PBX3: variants seen among roughly 807,000 people sequenced by gnomAD.
PBX3 encodes the protein pre-B-cell leukemia transcription factor 3.
A neutral mutation model predicts 48.5 loss-of-function variants in PBX3; 14 were observed. The ratio of observed to expected loss-of-function variants is 0.29; its 90% CI spans 0.19 to 0.45. PBX3 has a LOEUF of 0.45. PBX3 is among the 20% of genes least tolerant of loss of function. The pLI is 1.00. For missense variants in PBX3, 386 were observed against 546.7 expected (o/e 0.71, Z 2.93); for synonymous variants, 210 against 200.3 (o/e 1.05, Z -0.41).
chr9:125,838,276 C>T (rs1839195386), intron 2 of PBX3, among the ~76,000 whole-genome samples: 2 of 152,266 alleles, frequency 1.3e-5, no homozygotes, highest in East Asian at 1.9e-4. Context: ...CTAATGTTGG[C>T]CTAGCTCAAG....
chr9:125,748,341 G>A, intron 1 of PBX3: 1 of 1,277,876 alleles, frequency 7.8e-7, no homozygotes, highest in South Asian at 1.8e-5. Flanking sequence ...GGGCAGATGG[G>A]TCCGCCTTGT....
intron 2 of PBX3, among the ~76,000 whole-genome samples, chr9:125,797,660 T>C (rs1036490954): frequency 6.6e-6 from 1 of 152,148 alleles, no homozygotes; most frequent in African/African-American, 2.4e-5. Flanking sequence ...TTTCATATAG[T>C]TACCCATTTT....
At chr9:125,861,862 G>C (rs750919989) in intron 2 of PBX3, among the ~76,000 whole-genome samples, 2 of 152,216 alleles carry the variant, frequency 1.3e-5, no homozygotes, top group African/African-American at 2.4e-5. Context: ...AATTTTGAGA[G>C]AGGGTGATGA....
chr9:125,869,239 C>A (rs550488353), intron 2 of PBX3, among the ~76,000 whole-genome samples: 4 of 151,766 alleles, frequency 2.6e-5, no homozygotes, highest in Non-Finnish European at 5.9e-5. Context: ...TACAGTACAA[C>A]AAAGAGATAG....
intron 2 of PBX3, among the ~76,000 whole-genome samples, chr9:125,796,728 T>C (rs553968007): frequency 1.3e-5 from 2 of 152,130 alleles, no homozygotes; most frequent in Non-Finnish European, 2.9e-5. Flanking sequence ...AGTTTCTTAA[T>C]TGTATGTAAT....
At chr9:125,806,701 A>G (rs1838135443) in intron 2 of PBX3, among the ~76,000 whole-genome samples, 1 of 152,192 alleles carries the variant, frequency 6.6e-6, no homozygotes, top group Non-Finnish European at 1.5e-5. Flanking sequence ...ATATGGGGGG[A>G]AATTGCAGAT....
At position 125,963,375 on chromosome 9, in the gene PBX3, T is replaced by G. The variant is rs560491269; in HGVS notation, c.1212+274T>G. Among the ~76,000 whole-genome samples, 17 of 152,290 alleles carry G rather than the reference T, an allele frequency of 1.1e-4. No homozygotes were observed. In the East Asian group the frequency reaches 1.2e-3, roughly 10 times the overall value. On this transcript the variant is annotated intron_variant, in intron 8 of 8. Transcript: ENST00000373489. ...ACGCCATTTCCTACCATCAGTGCTG[T>G]GCTCCAGGGAGACGGTAGAAAACAG...
intron 2 of PBX3, among the ~76,000 whole-genome samples, chr9:125,766,248 ATTTAT>A (rs1312758044): frequency 6.6e-6 from 1 of 152,060 alleles, no homozygotes; most frequent in Non-Finnish European, 1.5e-5. Context: ...TTACATATAA[ATTTAT>A]TTTAATTACA....
At chr9:125,808,009 A>G (rs1459214828) in intron 2 of PBX3, among the ~76,000 whole-genome samples, 1 of 152,360 alleles carries the variant, frequency 6.6e-6, no homozygotes, top group East Asian at 1.9e-4. Flanking sequence ...ATGTAGATAG[A>G]TAGATAAACA....
intron 5 of PBX3, among the ~76,000 whole-genome samples, chr9:125,957,312 A>G (rs1245783283): frequency 6.6e-6 from 1 of 152,260 alleles, no homozygotes; most frequent in African/African-American, 2.4e-5. Context: ...TCAAGGAAAC[A>G]GTGCCCACAG....
intron 2 of PBX3, among the ~76,000 whole-genome samples, chr9:125,801,241 T>A (rs1837935055): frequency 6.6e-6 from 1 of 152,228 alleles, no homozygotes; most frequent in Non-Finnish European, 1.5e-5. Context: ...TTTGAAGTAC[T>A]TCTCTGTTTT....
rs1230088631 is a variant in PBX3 at position 125,932,342 on chromosome 9, C to T, written c.707+2497C>T. ...CTTGAACACTTATACTATGTTTACG[C>T]AACTATTCAGACTGAAAGTCATGTA... On this transcript the variant is annotated intron_variant, in intron 4 of 8. Transcript: ENST00000373489. Among the ~76,000 whole-genome samples, 3 of 151,238 alleles carry T rather than the reference C, an allele frequency of 2.0e-5. No individual in the cohort carries two copies. The East Asian group carries it at 5.8e-4, about 29-fold the overall frequency.
At chr9:125,809,265 G>T (rs1838217204) in intron 2 of PBX3, among the ~76,000 whole-genome samples, 1 of 152,168 alleles carries the variant, frequency 6.6e-6, no homozygotes, top group Non-Finnish European at 1.5e-5. Context: ...TGCCCTGAGG[G>T]TTGATTTTGG....
chr9:125,749,799 A>C (rs1262800866), intron 2 of PBX3, among the ~76,000 whole-genome samples: 1 of 152,188 alleles, frequency 6.6e-6, no homozygotes, highest in Non-Finnish European at 1.5e-5. Flanking sequence ...TTGCAATACT[A>C]TTCTGATCCT....
chr9:125,923,817 C>T (rs769571162), intron 3 of PBX3, among the ~76,000 whole-genome samples: 3 of 151,926 alleles, frequency 2.0e-5, no homozygotes, highest in South Asian at 2.1e-4. Flanking sequence ...CCTCCTGCCT[C>T]GGCCTCTTGA....
chr9:125,922,600 T>TAATA (rs1181354999), intron 3 of PBX3, among the ~76,000 whole-genome samples: 4 of 152,222 alleles, frequency 2.6e-5, no homozygotes, highest in Non-Finnish European at 4.4e-5. Flanking sequence ...ATATATCTTA[T>TAATA]AGACATGAAG....
intron 2 of PBX3, among the ~76,000 whole-genome samples, chr9:125,849,285 G>A (rs1839513015): frequency 6.6e-6 from 1 of 151,680 alleles, no homozygotes; most frequent in African/African-American, 2.4e-5. Context: ...GTCCTCATGT[G>A]TGCTTTATTT....
intron 2 of PBX3, among the ~76,000 whole-genome samples, chr9:125,752,225 C>T (rs146650087): frequency 1.1e-3 from 165 of 152,126 alleles, no homozygotes; most frequent in African/African-American, 3.9e-3. Flanking sequence ...AGATTTGTAG[C>T]CTTTGTGAGG....
At chr9:125,963,167 T>C (rs2063927495) in intron 8 of PBX3, 66 bp downstream of exon 8, 2 of 814,492 alleles carry the variant, frequency 2.5e-6, no homozygotes, top group Admixed American at 4.7e-5. Context: ...ATAAAGAAAT[T>C]AATAGCCATT....
Sources: allele counts gnomAD v4.1 joint callset (sites outside exome capture counted in the v4.1 genomes callset), GRCh38; gene constraint gnomAD v4.1.1; transcripts MANE v1.5; gene names NCBI Gene and HGNC (gene_info 2026-07-23, HGNC 2026-07-21).